Variants in SUGCT observed in about 807,000 individuals in gnomAD.
The protein encoded by SUGCT is succinyl-CoA:glutarate-CoA transferase.
A neutral mutation model predicts 55.0 loss-of-function variants in SUGCT; 41 were observed. That is an observed-to-expected ratio of 0.74 (90% confidence interval 0.58 to 0.97). The LOEUF (loss-of-function observed/expected upper bound fraction) is 0.97. Among genes scored for constraint, SUGCT ranks in the 50% least tolerant of loss-of-function variants. SUGCT has a pLI of 0.00. For synonymous variants in SUGCT, 187 were observed against 200.4 expected, an observed-to-expected ratio of 0.93 and a Z score of 0.56; for missense variants, 568 against 547.8, an observed-to-expected ratio of 1.04 and a Z score of -0.37.
intron 12 of SUGCT, among the ~76,000 whole-genome samples, chr7:40,639,515 T>A (rs921606228): frequency 7.4e-6 from 1 of 134,848 alleles, no homozygotes. Context: ...TTTTTCAGAT[T>A]TTTTTTTTTT....
intron 5 of SUGCT, among the ~76,000 whole-genome samples, chr7:40,191,025 T>G (rs1785870576): frequency 6.6e-6 from 1 of 152,088 alleles, no homozygotes; most frequent in African/African-American, 2.4e-5. Flanking sequence ...GTCTCAAACT[T>G]ATTTATTTAG....
At chr7:40,852,157 T>C (rs538141438) in intron 13 of SUGCT, among the ~76,000 whole-genome samples, 1 of 152,342 alleles carries the variant, frequency 6.6e-6, no homozygotes, top group East Asian at 1.9e-4. Context: ...TGTGCCAAAC[T>C]TGTCCATGCA....
chr7:40,878,066 T>G, the SUGCT span, among the ~76,000 whole-genome samples: 2 of 152,280 alleles, frequency 1.3e-5, no homozygotes, highest in South Asian at 2.1e-4. Context: ...GGTACTCCAT[T>G]ATATCTTCTT....
At chr7:40,362,138 G>A (rs1798186053) in intron 9 of SUGCT, among the ~76,000 whole-genome samples, 1 of 152,110 alleles carries the variant, frequency 6.6e-6, no homozygotes, top group Admixed American at 6.6e-5. Context: ...GTTCAACCAT[G>A]CCCGGCGCAG....
the SUGCT span, among the ~76,000 whole-genome samples, chr7:40,962,957 C>T: frequency 3.3e-5 from 5 of 152,098 alleles, no homozygotes; most frequent in Admixed American, 2.6e-4. Flanking sequence ...AGCTTCCTCC[C>T]CTTATAATAA....
chr7:40,912,678 C>G, the SUGCT span, among the ~76,000 whole-genome samples: 1 of 148,372 alleles, frequency 6.7e-6, no homozygotes, highest in South Asian at 2.1e-4. Context: ...AAGAATTGTT[C>G]TTAGTTTCCA....
the SUGCT span, among the ~76,000 whole-genome samples, chr7:40,972,869 T>C: frequency 6.6e-6 from 1 of 152,214 alleles, no homozygotes; most frequent in Non-Finnish European, 1.5e-5. Context: ...TAAGACTTTC[T>C]AATTGTAATG....
At chr7:40,542,635 A>C (rs1015533180) in intron 12 of SUGCT, among the ~76,000 whole-genome samples, 2 of 152,210 alleles carry the variant, frequency 1.3e-5, no homozygotes, top group African/African-American at 4.8e-5. Flanking sequence ...GAAATGATGG[A>C]GTGGCTGTGC....
At chr7:40,346,723 A>G (rs563335953) in intron 9 of SUGCT, among the ~76,000 whole-genome samples, 30 of 152,250 alleles carry the variant, frequency 2.0e-4, no homozygotes, top group African/African-American at 6.7e-4. Context: ...CTAAGGAAGT[A>G]ATTATGGTTA....
rs146103782 is a variant in SUGCT at position 40,369,977 on chromosome 7, C to G, written c.816+53122C>G. 5.0e-3 allele frequency among the ~76,000 whole-genome samples: 758 copies of G among 152,142 alleles called. 6 individuals are homozygous for G. Among genetic ancestry groups the G allele is most frequent in the African/African-American group, 0.018 (733 of 41,506 alleles). The stretch of plus-strand genomic sequence containing the variant: ...TATGATACTGAAGAGATTTCCAGTT[C>G]GAGGACTCATGGTTCATGCAATACA... On this transcript the variant is annotated intron_variant, in intron 9 of 13. Coordinates refer to ENST00000335693, the MANE Select transcript of SUGCT (RefSeq NM_001193313.2).
At chr7:40,886,423 G>A in the SUGCT span, among the ~76,000 whole-genome samples, 1 of 152,140 alleles carries the variant, frequency 6.6e-6, no homozygotes, top group African/African-American at 2.4e-5. Flanking sequence ...TAGATTCAGG[G>A]TATTCATGAG....
rs147112779 is a variant in SUGCT at position 40,635,288 on chromosome 7, A to G, written c.1090-114146A>G. Among the ~76,000 whole-genome samples, 72 of 152,290 alleles carry G rather than the reference A, an allele frequency of 4.7e-4. No homozygotes were observed. The East Asian group carries it at 0.013, about 27-fold the overall frequency. ...GTGACAGAGCAAGACTCTGTCTCCAAAAAAGAAAAAAACAAAAAACAAAAC... is the reference window on the plus strand; with the variant it reads ...GTGACAGAGCAAGACTCTGTCTCCAGAAAAGAAAAAAACAAAAAACAAAAC... On this transcript the variant is annotated intron_variant, in intron 12 of 13. Transcript: ENST00000335693.
chr7:40,631,448 A>G (rs947406382), intron 12 of SUGCT, among the ~76,000 whole-genome samples: 7 of 152,162 alleles, frequency 4.6e-5, no homozygotes, highest in African/African-American at 1.7e-4. Flanking sequence ...CATTCAACAA[A>G]TTCAACATTT....
At chr7:41,023,880 T>C in the SUGCT span, among the ~76,000 whole-genome samples, 2 of 152,236 alleles carry the variant, frequency 1.3e-5, no homozygotes, top group Admixed American at 6.5e-5. Context: ...ATTCTTATTA[T>C]ATGGCATTTT....
At chr7:40,617,583 TAACTTTTATG>T (rs528136607) in intron 12 of SUGCT, among the ~76,000 whole-genome samples, 17 of 150,714 alleles carry the variant, frequency 1.1e-4, no homozygotes, top group Non-Finnish European at 2.1e-4. Flanking sequence ...AAAAGGCACT[TAACTTTTATG>T]AATGCCATTA....
chr7:40,613,819 A>T (rs912348989), intron 12 of SUGCT, among the ~76,000 whole-genome samples: 5 of 152,122 alleles, frequency 3.3e-5, no homozygotes, highest in African/African-American at 1.2e-4. Context: ...CATGTTGGTC[A>T]GGCTGGTCTC....
chr7:40,325,062 A>G (rs184121991), intron 9 of SUGCT, among the ~76,000 whole-genome samples: 3 of 152,338 alleles, frequency 2.0e-5, no homozygotes, highest in Non-Finnish European at 4.4e-5. Flanking sequence ...ATTATACTGT[A>G]TATTTAATTT....
At chr7:40,137,311 T>A (rs567805454) in intron 1 of SUGCT, among the ~76,000 whole-genome samples, 1 of 151,592 alleles carries the variant, frequency 6.6e-6, no homozygotes, top group South Asian at 2.1e-4. Flanking sequence ...TATTTCTTTA[T>A]TTTTTGTAGA....
intron 8 of SUGCT, among the ~76,000 whole-genome samples, chr7:40,298,591 A>G (rs1331879598): frequency 1.3e-5 from 2 of 152,198 alleles, no homozygotes; most frequent in African/African-American, 4.8e-5. Context: ...TATATATTAG[A>G]ACAGGATACA....
Sources: gnomAD v4.1 joint callset for allele counts (sites outside exome capture counted in the v4.1 genomes callset) on GRCh38, gnomAD v4.1.1 for gene constraint, MANE v1.5 for transcripts, NCBI Gene and HGNC (gene_info 2026-07-23, HGNC 2026-07-21) for gene names.